Variants in OR11A1 observed in about 807,000 individuals in gnomAD.
The protein encoded by OR11A1 is olfactory receptor 11A1.
For synonymous variants in OR11A1, 158 were observed against 152.2 expected, an observed-to-expected ratio of 1.04 and a Z score of -0.28; for missense variants, 380 against 378.2, an observed-to-expected ratio of 1.00 and a Z score of -0.04.
intron 1 of OR11A1, among the ~76,000 whole-genome samples, chr6:29,433,639 T>C (rs3117192): frequency 0.87 from 132,494 of 151,928 alleles, 57,992 homozygotes; most frequent in Non-Finnish European, 0.89. Context: ...CTACAATGAA[T>C]ATGAAAGTGT....
chr6:29,440,731 C>A (rs1784089929), intron 1 of OR11A1: 1 of 1,614,020 alleles, frequency 6.2e-7, no homozygotes, highest in Non-Finnish European at 8.5e-7. Flanking sequence ...GCCTTCTCCA[C>A]CTGCTCCTCC....
intron 1 of OR11A1, among the ~76,000 whole-genome samples, chr6:29,448,636 T>C (rs562660736): frequency 2.0e-5 from 3 of 152,304 alleles, no homozygotes; most frequent in African/African-American, 7.2e-5. Context: ...GTTCTGGCAA[T>C]TTTCTGTGTC....
intron 1 of OR11A1, among the ~76,000 whole-genome samples, chr6:29,454,873 ATTTG>A (rs1225272382): frequency 1.3e-5 from 2 of 150,892 alleles, no homozygotes; most frequent in African/African-American, 4.9e-5. Context: ...TACCATTATG[ATTTG>A]TTTAAAAAAG....
At chr6:29,445,515 C>T (rs1029213802) in intron 1 of OR11A1, among the ~76,000 whole-genome samples, 1 of 152,132 alleles carries the variant, frequency 6.6e-6, no homozygotes, top group Non-Finnish European at 1.5e-5. Context: ...CTGTGCATCC[C>T]AGGCCAATCT....
intron 1 of OR11A1, among the ~76,000 whole-genome samples, chr6:29,437,162 A>G (rs2151375910): frequency 6.6e-6 from 1 of 152,354 alleles, no homozygotes; most frequent in South Asian, 2.1e-4. Flanking sequence ...TAGAAATACC[A>G]TTTGACCCAG....
chr6:29,435,445 G>C (rs1327685518), intron 1 of OR11A1, among the ~76,000 whole-genome samples: 1 of 152,190 alleles, frequency 6.6e-6, no homozygotes, highest in Non-Finnish European at 1.5e-5. Flanking sequence ...AGTTGGAAAA[G>C]AAACCACACA....
At chr6:29,440,163 A>T (rs763609392) in intron 1 of OR11A1, 3 of 1,613,534 alleles carry the variant, frequency 1.9e-6, no homozygotes, top group Non-Finnish European at 2.5e-6. Flanking sequence ...GCTGGTCTCC[A>T]CTGATGCTGC....
chr6:29,440,480 G>A, intron 1 of OR11A1: 1 of 1,613,864 alleles, frequency 6.2e-7, no homozygotes, highest in Non-Finnish European at 8.5e-7. Context: ...TGCTGGTGGG[G>A]CTGGGCCACA....
chr6:29,450,028 C>T lies in OR11A1; in HGVS notation c.-389+6959G>A, dbSNP rs181482675. Among the ~76,000 whole-genome samples the T allele has an allele frequency of 1.7e-3, 264 of 152,314 alleles. 1 individual carries two copies. The highest frequency in any genetic ancestry group is 5.3e-3 in the African/African-American group (220 of 41,566). Reference sequence around the variant, plus strand: ...AGATGCCCCTCTAGGCTGGTAACAGCGTGACTTAGAATAAGTCCTCCAACT... The same window carrying T: ...AGATGCCCCTCTAGGCTGGTAACAGTGTGACTTAGAATAAGTCCTCCAACT... On this transcript the variant is annotated intron_variant, in intron 1 of 4. Coordinates refer to ENST00000377149, the MANE Select transcript of OR11A1 (RefSeq NM_001394828.1).
intron 1 of OR11A1, among the ~76,000 whole-genome samples, chr6:29,437,907 A>G (rs1783763700): frequency 6.6e-6 from 1 of 152,258 alleles, no homozygotes; most frequent in Non-Finnish European, 1.5e-5. Flanking sequence ...CAGAGCAGCC[A>G]TATTTCCCTG....
intron 1 of OR11A1, among the ~76,000 whole-genome samples, chr6:29,452,692 T>TA (rs1229171452): frequency 6.6e-6 from 1 of 151,908 alleles, no homozygotes; most frequent in African/African-American, 2.4e-5. Context: ...GAAGGCAAAA[T>TA]AAAGCCATCT....
At chr6:29,439,225 A>T (rs994597471) in intron 1 of OR11A1, 12 of 152,146 alleles carry the variant, frequency 7.9e-5, no homozygotes, top group Non-Finnish European at 1.6e-4. Flanking sequence ...ACAGTGTGTG[A>T]ATTTGTGGAG....
At chr6:29,433,962 A>G (rs1325357504) in intron 1 of OR11A1, among the ~76,000 whole-genome samples, 3 of 152,068 alleles carry the variant, frequency 2.0e-5, no homozygotes, top group African/African-American at 7.2e-5. Flanking sequence ...TGTCATTTGT[A>G]CGTCTTCTTT....
Position 29,431,865 on chromosome 6 carries a change from C to T in OR11A1, c.-266G>A, listed in dbSNP as rs747257448. 7 of 985,176 alleles carry T rather than the reference C, an allele frequency of 7.1e-6. No individual in the cohort carries two copies. The highest frequency in any genetic ancestry group is 1.1e-4 in the East Asian group (1 of 8,822). The allele number at this position is 985,176 out of a possible 1,614,324, so 61.0% of individuals were successfully genotyped here. On this transcript the variant is annotated splice_region_variant and 5_prime_UTR_variant, in exon 2 of 5. Coordinates refer to ENST00000377149, the MANE Select transcript of OR11A1 (RefSeq NM_001394828.1). ...AGAATTTTACAAAAATAAACGTACC[C>T]GAAATATCGACCCTGTTCTCTAAAG...
intron 1 of OR11A1, among the ~76,000 whole-genome samples, chr6:29,445,610 G>T (rs914597234): frequency 1.2e-4 from 18 of 152,138 alleles, no homozygotes; most frequent in African/African-American, 4.3e-4. Flanking sequence ...CTCCTCCTGT[G>T]GCAGCATGGT....
At position 29,436,987 on chromosome 6, in the gene OR11A1, G is replaced by C. The variant is rs189882579; in HGVS notation, c.-388-5000C>G. 2.8e-4 allele frequency among the ~76,000 whole-genome samples: 42 copies of C among 152,330 alleles called. No homozygotes were observed. In the East Asian group the frequency reaches 7.9e-3, roughly 29 times the overall value. On this transcript the variant is annotated intron_variant, in intron 1 of 4. Coordinates refer to ENST00000377149, the MANE Select transcript of OR11A1 (RefSeq NM_001394828.1). ...CTTTCGAAAAGCGCCAGCACAATGA[G>C]ATACCATCTCACACCAGCTAGAATG...
chr6:29,444,646 C>A (rs9368601), intron 1 of OR11A1, among the ~76,000 whole-genome samples: 1 of 150,978 alleles, frequency 6.6e-6, no homozygotes, highest in East Asian at 2.0e-4. Flanking sequence ...TCTTTCTCCA[C>A]CATAGATAGC....
At position 29,431,947 on chromosome 6, in the gene OR11A1, G is replaced by A; in HGVS notation, c.-348C>T. 1.0e-6 allele frequency: 1 copy of A among 985,306 alleles called. No homozygotes were observed. Among genetic ancestry groups the A allele is most frequent in the Non-Finnish European group, 1.2e-6 (1 of 829,868 alleles). 61.0% of individuals were successfully genotyped at this position (985,306 alleles called of 1,614,324 possible). On this transcript the variant is annotated 5_prime_UTR_variant, in exon 2 of 5. Coordinates refer to ENST00000377149, the MANE Select transcript of OR11A1 (RefSeq NM_001394828.1). ...GATTTGCTGAAGACTTCAGAATGTT[G>A]GAATTTCCTACCTTCAGCTCCCTCC...
At chr6:29,451,170 C>A (rs897275562) in intron 1 of OR11A1, among the ~76,000 whole-genome samples, 9 of 152,158 alleles carry the variant, frequency 5.9e-5, no homozygotes, top group African/African-American at 2.2e-4. Flanking sequence ...TGAAACTGGA[C>A]CCTTTCCTTT....
Sources: allele counts gnomAD v4.1 joint callset (sites outside exome capture counted in the v4.1 genomes callset), GRCh38; gene constraint gnomAD v4.1.1; transcripts MANE v1.5; gene names NCBI Gene and HGNC (gene_info 2026-07-23, HGNC 2026-07-21).